Variants in PTPRN2 observed in about 807,000 individuals in gnomAD.
PTPRN2 encodes the protein receptor-type tyrosine-protein phosphatase N2.
A neutral mutation model predicts 118.8 loss-of-function variants in PTPRN2; 74 were observed. The observed-to-expected ratio is 0.62, with a 90% CI of 0.52 to 0.76. PTPRN2 has a LOEUF of 0.76. Ranked by LOEUF, PTPRN2 falls within the 30% of genes least tolerant of loss-of-function variation. The probability of loss-of-function intolerance (pLI) is 0.00; values close to 1 mark genes in which losing one functional copy is unlikely to be tolerated. For synonymous variants in PTPRN2, 641 were observed against 608.0 expected (o/e 1.05, Z -0.80); for missense variants, 1,481 against 1,394.4 (o/e 1.06, Z -0.99).
chr7:158,091,034 C>T (rs189898803), intron 10 of PTPRN2, among the ~76,000 whole-genome samples: 8 of 152,232 alleles, frequency 5.3e-5, no homozygotes, highest in East Asian at 1.9e-4. Flanking sequence ...TTCCATGTTT[C>T]GGAAATGGTT....
intron 12 of PTPRN2, among the ~76,000 whole-genome samples, chr7:157,860,071 A>G (rs1405159400): frequency 6.6e-6 from 1 of 152,214 alleles, no homozygotes; most frequent in Non-Finnish European, 1.5e-5. Flanking sequence ...CACAGACCCC[A>G]GAGACAGCAT....
intron 3 of PTPRN2, among the ~76,000 whole-genome samples, chr7:158,297,953 T>C (rs1800614510): frequency 6.6e-6 from 1 of 152,270 alleles, no homozygotes; most frequent in Admixed American, 6.5e-5. Flanking sequence ...TTCTTTACTT[T>C]TTGAGTCACT....
chr7:158,058,508 G>A (rs1172218427), intron 11 of PTPRN2, among the ~76,000 whole-genome samples: 8 of 71,674 alleles, frequency 1.1e-4, no homozygotes, highest in East Asian at 8.1e-4. Flanking sequence ...ATCTGCACAC[G>A]GTGAGACATC....
chr7:157,610,656 G>A lies in PTPRN2; in HGVS notation c.2345-6581C>T, dbSNP rs1356419892. Among the ~76,000 whole-genome samples the A allele has an allele frequency of 4.6e-5, 7 of 152,202 alleles. No homozygotes were observed. The highest frequency in any genetic ancestry group is 5.9e-5 in the Non-Finnish European group (4 of 68,040). On this transcript the variant is annotated intron_variant, in intron 15 of 22. Coordinates refer to ENST00000389418, the MANE Select transcript of PTPRN2 (RefSeq NM_002847.5). This position sits in a 1 kb window ranked among gnomAD's most constrained non-coding sequence, Gnocchi z 5.1. ...AGGCCTTTGAACTTGTCATAGTTGA[G>A]GCAAAGGAATAAATGATCGGACCAC...
At chr7:158,411,118 T>C (rs1486106191) in intron 2 of PTPRN2, among the ~76,000 whole-genome samples, 1 of 152,022 alleles carries the variant, frequency 6.6e-6, no homozygotes, top group Non-Finnish European at 1.5e-5. Context: ...AGAGGAGGCC[T>C]CGCTCTTCCA....
chr7:157,746,616 C>T (rs1002225627), intron 12 of PTPRN2, among the ~76,000 whole-genome samples: 8 of 151,286 alleles, frequency 5.3e-5, no homozygotes, highest in South Asian at 2.1e-4. Flanking sequence ...ACAGTCCTCA[C>T]GGTGCCAACA....
chr7:158,074,869 C>A (rs1812223902), intron 11 of PTPRN2, among the ~76,000 whole-genome samples: 1 of 152,210 alleles, frequency 6.6e-6, no homozygotes, highest in Non-Finnish European at 1.5e-5. Flanking sequence ...ATGTCCAGTG[C>A]ATAAACCCCC....
At chr7:158,437,180 AG>A (rs2129431834) in intron 2 of PTPRN2, among the ~76,000 whole-genome samples, 1 of 152,184 alleles carries the variant, frequency 6.6e-6, no homozygotes, top group Non-Finnish European at 1.5e-5. Context: ...ATTATTTCCC[AG>A]GGACCTTCTT....
At chr7:158,332,527 G>T (rs1474837471) in intron 2 of PTPRN2, among the ~76,000 whole-genome samples, 14 of 130,384 alleles carry the variant, frequency 1.1e-4, no homozygotes, top group African/African-American at 3.6e-4. Flanking sequence ...GGCACAAAGA[G>T]GTCACTCACA....
chr7:158,536,942 G>C (rs1295383161), intron 1 of PTPRN2, among the ~76,000 whole-genome samples: 1 of 152,206 alleles, frequency 6.6e-6, no homozygotes, highest in East Asian at 1.9e-4. Context: ...CTGAATGTGT[G>C]AGTCCTCCCA....
At chr7:158,046,237 G>A (rs972064730) in intron 11 of PTPRN2, among the ~76,000 whole-genome samples, 7 of 148,060 alleles carry the variant, frequency 4.7e-5, no homozygotes, top group Admixed American at 1.3e-4. Context: ...CAGAACCTGC[G>A]TTCCTGGCGT....
rs147660216 is a variant in PTPRN2 at position 157,986,026 on chromosome 7, C to T, written c.1724-87289G>A. On this transcript the variant is annotated intron_variant, in intron 11 of 22. Coordinates refer to ENST00000389418, the MANE Select transcript of PTPRN2 (RefSeq NM_002847.5). This position sits in a 1 kb window ranked among gnomAD's most constrained non-coding sequence, Gnocchi z 4.5. ...TTGAAATGTAACGAATCTCTCACTACTGACAAGAGAAAGGCCAGAACACAA... is the reference window on the plus strand; with the variant it reads ...TTGAAATGTAACGAATCTCTCACTATTGACAAGAGAAAGGCCAGAACACAA... Among the ~76,000 whole-genome samples, 104 of 152,322 alleles carry T rather than the reference C, an allele frequency of 6.8e-4. No homozygotes were observed. The highest frequency in any genetic ancestry group is 9.6e-4 in the Non-Finnish European group (65 of 68,034).
At chr7:158,206,239 C>T (rs571415137) in intron 3 of PTPRN2, among the ~76,000 whole-genome samples, 11 of 152,276 alleles carry the variant, frequency 7.2e-5, no homozygotes, top group African/African-American at 2.6e-4. Context: ...GATAACTGCT[C>T]AGCCAAGTAG....
At chr7:157,553,972 G>A (rs559243593) in intron 21 of PTPRN2, among the ~76,000 whole-genome samples, 35 of 134,446 alleles carry the variant, frequency 2.6e-4, no homozygotes, top group African/African-American at 7.2e-4. Context: ...CGGCCAGGCC[G>A]GGCGCCGGAT....
At position 157,974,241 on chromosome 7, in the gene PTPRN2, G is replaced by A. The variant is rs1486458388; in HGVS notation, c.1724-75504C>T. Among the ~76,000 whole-genome samples, 1 of 152,208 alleles carries A rather than the reference G, an allele frequency of 6.6e-6. No individual in the cohort carries two copies. Among genetic ancestry groups the A allele is most frequent in the Non-Finnish European group, 1.5e-5 (1 of 68,044 alleles). On this transcript the variant is annotated intron_variant, in intron 11 of 22. Coordinates refer to ENST00000389418, the MANE Select transcript of PTPRN2 (RefSeq NM_002847.5). This position sits in a 1 kb window ranked among gnomAD's most constrained non-coding sequence, Gnocchi z 4.0. ...AGTGACCCTGCAGTCAAGTCTGTTT[G>A]CCTCCCACTAGCATTTTCTCATCTC...
rs1311398383 is a variant in PTPRN2 at position 158,423,301 on chromosome 7, T to TC, written c.163+66433_163+66434insG. 2.6e-5 allele frequency among the ~76,000 whole-genome samples: 4 copies of TC among 152,278 alleles called. No homozygotes were observed. The South Asian group carries it at 6.2e-4, about 24-fold the overall frequency. ...GCAGCACGGCAGTGAAGGAAGTGGA[T>TC]TTGGGGGGCTTCCCTCCACCCACAG... On this transcript the variant is annotated intron_variant, in intron 2 of 22. Transcript: ENST00000389418.
chr7:158,127,688 G>A (rs1563472948), intron 9 of PTPRN2, among the ~76,000 whole-genome samples: 1 of 152,142 alleles, frequency 6.6e-6, no homozygotes, highest in Non-Finnish European at 1.5e-5. Context: ...TGGGGTCTGG[G>A]GTAGGCAGAG....
intron 11 of PTPRN2, among the ~76,000 whole-genome samples, chr7:158,026,864 C>T (rs1030870007): frequency 1.3e-5 from 2 of 152,252 alleles, no homozygotes; most frequent in Admixed American, 6.5e-5. Context: ...TGCAGGGCTG[C>T]GTGAACACAG....
At chr7:158,414,496 A>C (rs1026808866) in intron 2 of PTPRN2, among the ~76,000 whole-genome samples, 1 of 152,166 alleles carries the variant, frequency 6.6e-6, no homozygotes, top group African/African-American at 2.4e-5. Context: ...ATCTGTGAGG[A>C]AGAGAGCTGC....
Sources: allele counts gnomAD v4.1 joint callset (sites outside exome capture counted in the v4.1 genomes callset), GRCh38; gene constraint gnomAD v4.1.1; non-coding constraint Gnocchi (gnomAD v3.1); transcripts MANE v1.5; gene names NCBI Gene and HGNC (gene_info 2026-07-23, HGNC 2026-07-21).